Variants in LRRTM4 observed in about 807,000 individuals in gnomAD.
The protein encoded by LRRTM4 is leucine-rich repeat transmembrane neuronal protein 4.
LRRTM4 carries 25 observed loss-of-function variants against 47.6 expected under a neutral mutation model. The observed-to-expected ratio is 0.53, with a 90% CI of 0.38 to 0.73. The LOEUF (loss-of-function observed/expected upper bound fraction) is 0.73. Ranked by LOEUF, LRRTM4 falls within the 30% of genes least tolerant of loss-of-function variation. The pLI is 0.00. For synonymous variants in LRRTM4, 311 were observed against 269.5 expected (o/e 1.15, Z -1.51); for missense variants, 638 against 713.4 (o/e 0.89, Z 1.20).
chr2:77,055,036 G>T (rs1043530100), intron 3 of LRRTM4, among the ~76,000 whole-genome samples: 1 of 152,126 alleles, frequency 6.6e-6, no homozygotes, highest in African/African-American at 2.4e-5. Flanking sequence ...GCCAAGAGCA[G>T]GGGGAGCCCT....
At chr2:77,335,989 T>C (rs1010286109) in intron 3 of LRRTM4, among the ~76,000 whole-genome samples, 2 of 152,022 alleles carry the variant, frequency 1.3e-5, no homozygotes, top group Non-Finnish European at 1.5e-5. Context: ...CTGGGTTCAC[T>C]TAAAGAAATA....
intron 3 of LRRTM4, among the ~76,000 whole-genome samples, chr2:77,053,873 A>C (rs1573506375): frequency 6.6e-6 from 1 of 152,216 alleles, no homozygotes; most frequent in African/African-American, 2.4e-5. Flanking sequence ...GCTAAAGGAA[A>C]TCAAATGAAC....
At chr2:76,751,999 G>A (rs543254750) in intron 3 of LRRTM4, among the ~76,000 whole-genome samples, 12 of 152,212 alleles carry the variant, frequency 7.9e-5, no homozygotes, top group African/African-American at 1.9e-4. Flanking sequence ...TTAAATACAT[G>A]ACTAATTTTC....
At chr2:77,410,193 A>G (rs1169426513) in intron 3 of LRRTM4, among the ~76,000 whole-genome samples, 1 of 152,198 alleles carries the variant, frequency 6.6e-6, no homozygotes, top group African/African-American at 2.4e-5. Context: ...CTACAGATAA[A>G]TATTTTCTAA....
chr2:76,786,141 T>C (rs1160132273), intron 3 of LRRTM4, among the ~76,000 whole-genome samples: 2 of 152,120 alleles, frequency 1.3e-5, no homozygotes, highest in Non-Finnish European at 2.9e-5. Flanking sequence ...CCATAATTGA[T>C]AGGAAAAGAA....
At chr2:77,105,029 A>G (rs1381138309) in intron 3 of LRRTM4, among the ~76,000 whole-genome samples, 3 of 151,156 alleles carry the variant, frequency 2.0e-5, no homozygotes, top group Non-Finnish European at 4.4e-5. Context: ...GAATTCTTCA[A>G]TGAGCTAACT....
At chr2:77,259,544 A>T (rs6729023) in intron 3 of LRRTM4, among the ~76,000 whole-genome samples, 9,924 of 152,092 alleles carry the variant, frequency 0.065, 1,052 homozygotes, top group African/African-American at 0.23. Flanking sequence ...TCTAAAAAGG[A>T]TACAGATGAA....
In LRRTM4 at chr2:76,788,259, T is replaced by C. The variant is rs1289157766; in HGVS notation, c.1552-39343A>G. ...AATAGAACAGCAATTGACTATGCCT[T>C]AGCGGTTGAGAGGGGACAACATCTG... On this transcript the variant is annotated intron_variant, in intron 3 of 3. Coordinates refer to ENST00000409884, the MANE Select transcript of LRRTM4 (RefSeq NM_001134745.3). Among the ~76,000 whole-genome samples the C allele has an allele frequency of 3.3e-5, 5 of 152,268 alleles. No homozygotes were observed. In the South Asian group the frequency reaches 1.0e-3, roughly 32 times the overall value.
At chr2:77,363,197 A>C (rs1462566015) in intron 3 of LRRTM4, among the ~76,000 whole-genome samples, 1 of 152,214 alleles carries the variant, frequency 6.6e-6, no homozygotes, top group Non-Finnish European at 1.5e-5. Flanking sequence ...AATTCACAGT[A>C]AATTTTACCG....
chr2:77,494,845 T>C (rs575556690), intron 3 of LRRTM4, among the ~76,000 whole-genome samples: 2 of 152,206 alleles, frequency 1.3e-5, no homozygotes, highest in South Asian at 4.1e-4. Flanking sequence ...TCTATCACAA[T>C]AAATGACTTT....
At chr2:77,492,006 A>G (rs1678184740) in intron 3 of LRRTM4, among the ~76,000 whole-genome samples, 1 of 143,688 alleles carries the variant, frequency 7.0e-6, no homozygotes, top group Admixed American at 7.0e-5. Context: ...ATATTATAAA[A>G]CATAATATAT....
chr2:77,108,807 T>A (rs1347522198), intron 3 of LRRTM4, among the ~76,000 whole-genome samples: 1 of 151,972 alleles, frequency 6.6e-6, no homozygotes, highest in Non-Finnish European at 1.5e-5. Context: ...ATGGTCTCGA[T>A]CTCCTGACCT....
At chr2:77,388,791 G>T (rs534123781) in intron 3 of LRRTM4, among the ~76,000 whole-genome samples, 217 of 151,990 alleles carry the variant, frequency 1.4e-3, no homozygotes, top group Non-Finnish European at 2.3e-3. Flanking sequence ...TATATATAGA[G>T]AGAGATATAT....
At position 77,336,133 on chromosome 2, in the gene LRRTM4, A is replaced by T. The variant is rs999836178; in HGVS notation, c.1551+182185T>A. 3.8e-4 allele frequency among the ~76,000 whole-genome samples: 57 copies of T among 151,238 alleles called. 1 individual carries two copies. The highest frequency in any genetic ancestry group is 3.4e-3 in the Middle Eastern group (1 of 294). ...GAAGGAAAGAAGGGAGAAAAGAAGG[A>T]CAGAAACAAAGAAGGAAGGAAGGGA... On this transcript the variant is annotated intron_variant, in intron 3 of 3. Coordinates refer to ENST00000409884, the MANE Select transcript of LRRTM4 (RefSeq NM_001134745.3).
intron 3 of LRRTM4, among the ~76,000 whole-genome samples, chr2:77,238,105 T>G (rs1675155898): frequency 6.6e-6 from 1 of 152,136 alleles, no homozygotes; most frequent in African/African-American, 2.4e-5. Context: ...AATGGCATTA[T>G]ATGAGGTTTT....
intron 3 of LRRTM4, among the ~76,000 whole-genome samples, chr2:76,950,256 C>T (rs1475779686): frequency 1.3e-5 from 2 of 151,882 alleles, no homozygotes; most frequent in East Asian, 3.9e-4. Flanking sequence ...TAAAAGTCAC[C>T]TCAAAGGTCT....
intron 3 of LRRTM4, among the ~76,000 whole-genome samples, chr2:77,246,360 T>C (rs760187944): frequency 2.4e-4 from 37 of 152,274 alleles, no homozygotes; most frequent in Admixed American, 6.5e-4. Flanking sequence ...TCTGGTGACA[T>C]TTCGCCAATA....
At chr2:77,493,459 G>C (rs1321585277) in intron 3 of LRRTM4, among the ~76,000 whole-genome samples, 2 of 151,954 alleles carry the variant, frequency 1.3e-5, no homozygotes, top group Non-Finnish European at 2.9e-5. Flanking sequence ...TGAGTCCACA[G>C]AAAAAGAAGT....
chr2:77,098,642 G>T (rs58115253), intron 3 of LRRTM4, among the ~76,000 whole-genome samples: 21,423 of 151,714 alleles, frequency 0.14, 2,228 homozygotes, highest in East Asian at 0.44. Context: ...TTAAAAGACT[G>T]ATAAAATTGA....
Sources: allele counts gnomAD v4.1 joint callset (sites outside exome capture counted in the v4.1 genomes callset), GRCh38; gene constraint gnomAD v4.1.1; transcripts MANE v1.5; gene names NCBI Gene and HGNC (gene_info 2026-07-23, HGNC 2026-07-21).